The following CHSY3 variants were observed in gnomAD, a reference collection of about 807,000 sequenced individuals.
The protein encoded by CHSY3 is chondroitin sulfate synthase 3.
Under a neutral mutation model 67.2 loss-of-function variants are expected in CHSY3, and 35 were observed. That is an observed-to-expected ratio of 0.52 (90% CI 0.40 to 0.69). The LOEUF is 0.69. Ranked by LOEUF, CHSY3 falls within the 30% of genes least tolerant of loss-of-function variation. The probability of loss-of-function intolerance (pLI) is 0.00; values close to 1 mark genes in which losing one functional copy is unlikely to be tolerated. For synonymous variants in CHSY3, 474 were observed against 434.7 expected (o/e 1.09, Z -1.12); for missense variants, 1,069 against 1,138.5 (o/e 0.94, Z 0.88).
At chr5:130,152,385 A>C (rs1268874664) in intron 2 of CHSY3, among the ~76,000 whole-genome samples, 1 of 152,182 alleles carries the variant, frequency 6.6e-6, no homozygotes, top group African/African-American at 2.4e-5. Flanking sequence ...CACATATTGA[A>C]AAATTAAATA....
chr5:129,906,556 G>A (rs1189374610), intron 1 of CHSY3, among the ~76,000 whole-genome samples: 2 of 152,210 alleles, frequency 1.3e-5, no homozygotes, highest in African/African-American at 4.8e-5. Flanking sequence ...AAGAGGCGCG[G>A]TCTTTTTCCC....
chr5:130,065,293 C>T (rs1287796056), intron 2 of CHSY3, among the ~76,000 whole-genome samples: 2 of 151,972 alleles, frequency 1.3e-5, no homozygotes, highest in Non-Finnish European at 2.9e-5. Context: ...TTGAAAAATT[C>T]TCTCTTAACA....
At chr5:130,081,246 G>A (rs1430485223) in intron 2 of CHSY3, among the ~76,000 whole-genome samples, 4 of 151,878 alleles carry the variant, frequency 2.6e-5, no homozygotes, top group Admixed American at 2.0e-4. Flanking sequence ...GTCAGATAAA[G>A]GGGCTTCAAG....
intron 2 of CHSY3, among the ~76,000 whole-genome samples, chr5:129,980,242 T>A (rs764172183): frequency 6.6e-6 from 1 of 152,232 alleles, no homozygotes; most frequent in Non-Finnish European, 1.5e-5. Flanking sequence ...TCGCACCACA[T>A]CCTTGCAGAA....
chr5:130,155,013 G>C (rs1027997858), intron 2 of CHSY3, among the ~76,000 whole-genome samples: 1 of 152,134 alleles, frequency 6.6e-6, no homozygotes, highest in Non-Finnish European at 1.5e-5. Flanking sequence ...TTGACACCTC[G>C]AACAGCAACT....
At chr5:130,042,332 A>G (rs926325345) in intron 2 of CHSY3, among the ~76,000 whole-genome samples, 2 of 152,106 alleles carry the variant, frequency 1.3e-5, no homozygotes, top group Non-Finnish European at 2.9e-5. Context: ...CAGCTCACTA[A>G]TATGCATTTT....
At chr5:129,924,521 C>CT (rs1761031631) in intron 2 of CHSY3, among the ~76,000 whole-genome samples, 1 of 151,722 alleles carries the variant, frequency 6.6e-6, no homozygotes. Context: ...TGGCATGTGC[C>CT]TGTAGTCCCA....
chr5:130,042,992 C>T (rs974401847), intron 2 of CHSY3, among the ~76,000 whole-genome samples: 1 of 152,044 alleles, frequency 6.6e-6, no homozygotes, highest in African/African-American at 2.4e-5. Context: ...AGTAATTGGC[C>T]TCAGATAGTT....
chr5:130,141,138 C>T, intron 2 of CHSY3: 2 of 379,620 alleles, frequency 5.3e-6, no homozygotes, highest in Admixed American at 3.8e-5. Context: ...GTTTATGGTA[C>T]AGCTGTCCAG....
chr5:130,130,079 C>A (rs1768430758), intron 2 of CHSY3, among the ~76,000 whole-genome samples: 1 of 152,088 alleles, frequency 6.6e-6, no homozygotes, highest in South Asian at 2.1e-4. Context: ...TAAATCTAAT[C>A]TAGCTTTTGT....
intron 2 of CHSY3, among the ~76,000 whole-genome samples, chr5:130,180,826 G>A (rs908454705): frequency 1.1e-4 from 16 of 152,028 alleles, no homozygotes; most frequent in African/African-American, 3.1e-4. Flanking sequence ...TTCCAGCCTC[G>A]GCGACAGAGT....
chr5:130,106,251 G>C (rs753150948), intron 2 of CHSY3, among the ~76,000 whole-genome samples: 5 of 151,626 alleles, frequency 3.3e-5, no homozygotes, highest in African/African-American at 9.7e-5. Flanking sequence ...GTAAGTGGAC[G>C]TATGACAGTC....
intron 2 of CHSY3, among the ~76,000 whole-genome samples, chr5:130,116,057 A>T (rs1767788410): frequency 6.6e-6 from 1 of 152,146 alleles, no homozygotes. Flanking sequence ...TGACCAACCT[A>T]AGTGCATTAT....
At chr5:129,912,296 T>C (rs1760590155) in intron 2 of CHSY3, among the ~76,000 whole-genome samples, 1 of 152,196 alleles carries the variant, frequency 6.6e-6, no homozygotes, top group African/African-American at 2.4e-5. Flanking sequence ...TCTAAATTAA[T>C]TGCCAGAACA....
At chr5:129,918,165 A>G (rs935804930) in intron 2 of CHSY3, among the ~76,000 whole-genome samples, 17 of 152,128 alleles carry the variant, frequency 1.1e-4, no homozygotes, top group Admixed American at 1.3e-4. Flanking sequence ...TCTGATTTTC[A>G]TGGTTCATAT....
chr5:130,133,475 A>C (rs1193350375), intron 2 of CHSY3, among the ~76,000 whole-genome samples: 5 of 152,240 alleles, frequency 3.3e-5, no homozygotes, highest in South Asian at 2.1e-4. Context: ...GCATCAAGAT[A>C]AGTTTACAAG....
chr5:129,905,939 C>T, intron 1 of CHSY3: 1 of 453,134 alleles, frequency 2.2e-6, no homozygotes, highest in South Asian at 4.3e-5. Context: ...GAAAAGGAAC[C>T]TTAGAGCTAA....
At chr5:130,154,818 G>T (rs1051676587) in intron 2 of CHSY3, among the ~76,000 whole-genome samples, 2 of 152,138 alleles carry the variant, frequency 1.3e-5, no homozygotes, top group Non-Finnish European at 2.9e-5. Context: ...GAACTACTAA[G>T]GGAGTTAAAG....
chr5:130,117,584 A>G lies in CHSY3; in HGVS notation c.1087-66645A>G, dbSNP rs770661983. Among the ~76,000 whole-genome samples the G allele has an allele frequency of 9.7e-4, 147 of 152,220 alleles. 2 individuals are homozygous for G. Among genetic ancestry groups the G allele is most frequent in the Non-Finnish European group, 3.1e-4 (21 of 68,044 alleles). Reference sequence around the variant, plus strand: ...GGTTTTTTTGTTCATAAACAAGCTTAGAGCATAATAAACAAATTTTTTTTA... The same window carrying G: ...GGTTTTTTTGTTCATAAACAAGCTTGGAGCATAATAAACAAATTTTTTTTA... On this transcript the variant is annotated intron_variant, in intron 2 of 2. Coordinates refer to ENST00000305031, the MANE Select transcript of CHSY3 (RefSeq NM_175856.5).
Sources: gnomAD v4.1 joint callset for allele counts (sites outside exome capture counted in the v4.1 genomes callset) on GRCh38, gnomAD v4.1.1 for gene constraint, MANE v1.5 for transcripts, NCBI Gene and HGNC (gene_info 2026-07-23, HGNC 2026-07-21) for gene names.